The following GRIK3 variants were observed in gnomAD, a reference collection of about 807,000 sequenced individuals.
GRIK3 encodes glutamate receptor ionotropic, kainate 3.
Under a neutral mutation model 102.5 loss-of-function variants are expected in GRIK3, and 29 were observed. That is an observed-to-expected ratio of 0.28 (90% CI 0.21 to 0.39). The LOEUF (loss-of-function observed/expected upper bound fraction) is 0.39. Ranked by LOEUF, GRIK3 falls within the 10% of genes least tolerant of loss-of-function variation. The pLI is 1.00. For synonymous variants in GRIK3, 511 were observed against 504.9 expected (o/e 1.01, Z -0.16); for missense variants, 908 against 1,252.4 (o/e 0.73, Z 4.15).
chr1:36,933,256 C>A (rs1408923232), intron 1 of GRIK3, among the ~76,000 whole-genome samples: 3 of 152,098 alleles, frequency 2.0e-5, no homozygotes, highest in Non-Finnish European at 4.4e-5. Context: ...CACCTCTCTG[C>A]CAAGTGACTT....
chr1:37,017,786 A>G (rs985807071), intron 1 of GRIK3, among the ~76,000 whole-genome samples: 2 of 152,158 alleles, frequency 1.3e-5, no homozygotes, highest in African/African-American at 2.4e-5. Flanking sequence ...TATGGATCAC[A>G]ATGCTAACGG....
At chr1:36,887,388 T>C (rs775876289) in intron 2 of GRIK3, among the ~76,000 whole-genome samples, 8 of 152,170 alleles carry the variant, frequency 5.3e-5, no homozygotes, top group Non-Finnish European at 8.8e-5. Context: ...GTTAAGAGAA[T>C]GTAAAGGGAA....
At position 36,859,120 on chromosome 1, in the gene GRIK3, G is replaced by T. The variant is rs1396221029; in HGVS notation, c.1092C>A (p.Asn364Lys). ...KAWRFGGRFMNFIKEAQWEGL... is the reference protein window; with the variant it reads ...KAWRFGGRFMKFIKEAQWEGL... ...GTGGGGCACTCACCTCCTTGATGAAGTTCATGAAGCGGCCGCCAAAGCGCC... is the reference window on the plus strand; with the variant it reads ...GTGGGGCACTCACCTCCTTGATGAATTTCATGAAGCGGCCGCCAAAGCGCC... Residue 364 changes from asparagine to lysine, a missense_variant, in exon 7 of 16, where the codon AAC (asparagine) becomes AAA (lysine). Physicochemically the swap from Asn to Lys is moderately conservative, Grantham distance 94. Transcript: ENST00000373091. 14 of 1,610,074 alleles carry T rather than the reference G, an allele frequency of 8.7e-6. No individual in the cohort carries two copies. The highest frequency in any genetic ancestry group is 1.2e-5 in the Non-Finnish European group (14 of 1,177,112).
intron 2 of GRIK3, among the ~76,000 whole-genome samples, chr1:36,889,767 T>C (rs1178001970): frequency 6.6e-6 from 1 of 152,134 alleles, no homozygotes; most frequent in Non-Finnish European, 1.5e-5. Context: ...GGTGTACCAC[T>C]AGGGAGTCAT....
At chr1:36,966,378 A>G (rs1642078030) in intron 1 of GRIK3, among the ~76,000 whole-genome samples, 1 of 152,208 alleles carries the variant, frequency 6.6e-6, no homozygotes, top group Non-Finnish European at 1.5e-5. Flanking sequence ...GGGGCCTTGG[A>G]CGTTCATCAG....
intron 1 of GRIK3, among the ~76,000 whole-genome samples, chr1:36,986,084 C>T (rs140592157): frequency 2.2e-4 from 34 of 152,250 alleles, no homozygotes; most frequent in African/African-American, 8.2e-4. Flanking sequence ...GGGACCCCAC[C>T]CTTCAGCCTA....
intron 1 of GRIK3, among the ~76,000 whole-genome samples, chr1:36,957,884 C>CG (rs1491133445): frequency 1.3e-5 from 1 of 75,648 alleles, no homozygotes; most frequent in Non-Finnish European, 2.5e-5. Context: ...CTCTGTGCCC[C>CG]TGAGTCTGTG....
intron 1 of GRIK3, among the ~76,000 whole-genome samples, chr1:36,945,228 T>A (rs892830473): frequency 1.3e-5 from 2 of 152,256 alleles, no homozygotes; most frequent in African/African-American, 4.8e-5. Flanking sequence ...TTCAATTGAC[T>A]TGTATTGTCT....
At chr1:36,983,319 C>T (rs1463344154) in intron 1 of GRIK3, among the ~76,000 whole-genome samples, 2 of 152,114 alleles carry the variant, frequency 1.3e-5, no homozygotes, top group African/African-American at 2.4e-5. Flanking sequence ...ATCTATTCTG[C>T]CCCATGCACA....
intron 13 of GRIK3, among the ~76,000 whole-genome samples, chr1:36,811,991 C>T (rs1051674845): frequency 1.1e-4 from 17 of 152,116 alleles, no homozygotes; most frequent in African/African-American, 3.1e-4. Flanking sequence ...AACTTGATGA[C>T]GACAGGCGGC....
chr1:36,829,577 T>A (rs1292541627), intron 10 of GRIK3, among the ~76,000 whole-genome samples: 1 of 152,066 alleles, frequency 6.6e-6, no homozygotes, highest in Non-Finnish European at 1.5e-5. Flanking sequence ...CCAAGGACCT[T>A]TCTGTACTAT....
At chr1:36,953,383 G>A (rs1195396677) in intron 1 of GRIK3, among the ~76,000 whole-genome samples, 3 of 152,288 alleles carry the variant, frequency 2.0e-5, no homozygotes, top group African/African-American at 7.2e-5. Flanking sequence ...GCAGGATAAA[G>A]GAGTTAGTGT....
At chr1:36,951,906 C>T (rs1430013231) in intron 1 of GRIK3, among the ~76,000 whole-genome samples, 3 of 152,104 alleles carry the variant, frequency 2.0e-5, no homozygotes, top group South Asian at 4.1e-4. Flanking sequence ...GGCAGCTGCC[C>T]CATGCTCTGC....
intron 1 of GRIK3, among the ~76,000 whole-genome samples, chr1:36,934,353 A>G (rs914701400): frequency 1.3e-5 from 2 of 152,188 alleles, no homozygotes; most frequent in Middle Eastern, 3.2e-3. Context: ...CTGGTCACCA[A>G]GCACTTTTCT....
chr1:37,009,719 A>C (rs1448013091), intron 1 of GRIK3, among the ~76,000 whole-genome samples: 1 of 152,160 alleles, frequency 6.6e-6, no homozygotes, highest in Non-Finnish European at 1.5e-5. Context: ...AAAAGTACTA[A>C]AATTAAATAT....
intron 1 of GRIK3, among the ~76,000 whole-genome samples, chr1:36,983,120 C>T (rs571696212): frequency 6.6e-6 from 1 of 152,304 alleles, no homozygotes; most frequent in South Asian, 2.1e-4. Flanking sequence ...GGTGCAGCTA[C>T]GCATGTGCAC....
At chr1:36,949,216 A>C (rs544682415) in intron 1 of GRIK3, among the ~76,000 whole-genome samples, 1 of 152,190 alleles carries the variant, frequency 6.6e-6, no homozygotes, top group East Asian at 1.9e-4. Flanking sequence ...TCTCAACTTC[A>C]TCTTGATCTT....
intron 14 of GRIK3, 46 bp from the exon 15 acceptor site, chr1:36,805,283 ATTCT>A: frequency 6.4e-7 from 1 of 1,561,212 alleles, no homozygotes; most frequent in Non-Finnish European, 8.7e-7. Flanking sequence ...CGTGTGGCCC[ATTCT>A]GTGTTTGGCT....
At chr1:36,878,127 T>C (rs1640929469) in intron 3 of GRIK3, among the ~76,000 whole-genome samples, 1 of 152,242 alleles carries the variant, frequency 6.6e-6, no homozygotes, top group South Asian at 2.1e-4. Context: ...ATCTACACTG[T>C]ACCAGACCCT....
Sources: gnomAD v4.1 joint callset for allele counts (sites outside exome capture counted in the v4.1 genomes callset) on GRCh38, gnomAD v4.1.1 for gene constraint, MANE v1.5 for transcripts, NCBI Gene and HGNC (gene_info 2026-07-23, HGNC 2026-07-21) for gene names.